ZFHX3: variants seen among roughly 807,000 people sequenced by gnomAD.
ZFHX3 encodes zinc finger homeobox protein 3.
Under a neutral mutation model 279.1 loss-of-function variants are expected in ZFHX3, and 42 were observed. That is an observed-to-expected ratio of 0.15 (90% CI 0.12 to 0.19). The LOEUF is 0.19. ZFHX3 is among the 10% of genes least tolerant of loss of function. ZFHX3 has a pLI of 1.00. For synonymous variants in ZFHX3, 2,293 were observed against 1,957.8 expected, an observed-to-expected ratio of 1.17 and a Z score of -4.52; for missense variants, 4,981 against 4,754.0, an observed-to-expected ratio of 1.05 and a Z score of -1.40.
At chr16:72,869,090 T>A (rs2038090753) in intron 4 of ZFHX3, among the ~76,000 whole-genome samples, 1 of 152,212 alleles carries the variant, frequency 6.6e-6, no homozygotes, top group South Asian at 2.1e-4. Flanking sequence ...TTCCTTCAGA[T>A]AAGGGAGAGA....
intron 1 of ZFHX3, among the ~76,000 whole-genome samples, chr16:73,709,632 G>A (rs1249275055): frequency 6.6e-6 from 1 of 152,022 alleles, no homozygotes; most frequent in African/African-American, 2.4e-5. Flanking sequence ...GGGGGTGAGG[G>A]TTTAGGGCAA....
At chr16:72,820,232 G>A (rs1313810209) in intron 5 of ZFHX3, among the ~76,000 whole-genome samples, 1 of 152,196 alleles carries the variant, frequency 6.6e-6, no homozygotes, top group Non-Finnish European at 1.5e-5. Flanking sequence ...GCTGACCGGT[G>A]GGTGCTGCTG....
chr16:73,218,866 ATGT>A (rs1236631075), intron 5 of ZFHX3, among the ~76,000 whole-genome samples: 2 of 152,194 alleles, frequency 1.3e-5, no homozygotes, highest in African/African-American at 4.8e-5. Flanking sequence ...TACATCCACA[ATGT>A]TGTGCAACCA....
chr16:73,685,002 C>A (rs1374542105), intron 1 of ZFHX3, among the ~76,000 whole-genome samples: 2 of 124,242 alleles, frequency 1.6e-5, no homozygotes, highest in Non-Finnish European at 3.3e-5. Context: ...CCAGGCCCAA[C>A]AAGGGTCATT....
chr16:73,588,345 G>C (rs921824163), intron 2 of ZFHX3, among the ~76,000 whole-genome samples: 8 of 152,150 alleles, frequency 5.3e-5, no homozygotes, highest in Non-Finnish European at 4.4e-5. Flanking sequence ...AATATAGTAT[G>C]TCCAAAAAGC....
chr16:73,641,941 T>G (rs2052576628), intron 2 of ZFHX3, among the ~76,000 whole-genome samples: 1 of 151,340 alleles, frequency 6.6e-6, no homozygotes, highest in Non-Finnish European at 1.5e-5. Context: ...ACGAGATAGG[T>G]GACGCGAGCT....
intron 1 of ZFHX3, among the ~76,000 whole-genome samples, chr16:73,769,501 A>T (rs1834075905): frequency 6.6e-6 from 1 of 152,216 alleles, no homozygotes; most frequent in South Asian, 2.1e-4. Context: ...CCATTCTTAT[A>T]CAAATTTTAA....
chr16:73,118,810 G>A (rs534638185), intron 7 of ZFHX3, among the ~76,000 whole-genome samples: 20 of 152,268 alleles, frequency 1.3e-4, no homozygotes, highest in Admixed American at 5.2e-4. Context: ...AGTAGCCAAA[G>A]GGGTGCACAG....
intron 3 of ZFHX3, among the ~76,000 whole-genome samples, chr16:73,345,439 C>G (rs1035379044): frequency 7.0e-6 from 1 of 143,640 alleles, no homozygotes; most frequent in Non-Finnish European, 1.5e-5. Context: ...CCCCTCCCTG[C>G]GTACATGTGT....
At chr16:72,969,377 C>T (rs1838690907) in intron 1 of ZFHX3, among the ~76,000 whole-genome samples, 1 of 152,034 alleles carries the variant, frequency 6.6e-6, no homozygotes, top group South Asian at 2.1e-4. Context: ...TCACGTAATA[C>T]AATACTGAGC....
intron 1 of ZFHX3, among the ~76,000 whole-genome samples, chr16:73,682,894 GAAAGAAAGAAAGAGAAAGAAAGAGAGAA>G (rs2053029785): frequency 2.4e-5 from 1 of 41,046 alleles, no homozygotes; most frequent in Admixed American, 3.0e-4. Context: ...AAGAAAGAAA[GAAAGAAAGAAAGAGAAAGAAAGAGAGAA>G]AGAGAAAGAA....
At chr16:73,500,554 T>C (rs939184907) in intron 2 of ZFHX3, among the ~76,000 whole-genome samples, 4 of 151,902 alleles carry the variant, frequency 2.6e-5, no homozygotes, top group African/African-American at 9.7e-5. Context: ...CTCAAACTCC[T>C]GGGCTCAAGT....
chr16:73,451,461 G>C (rs1187643161), intron 3 of ZFHX3, among the ~76,000 whole-genome samples: 2 of 152,126 alleles, frequency 1.3e-5, no homozygotes, highest in African/African-American at 4.8e-5. Flanking sequence ...GTATCTGAAG[G>C]CATCTAGTCA....
Position 73,131,720 on chromosome 16 carries a change from C to T in ZFHX3, c.-1023-626G>A, listed in dbSNP as rs7188304. Among the ~76,000 whole-genome samples, 13 of 152,302 alleles carry T rather than the reference C, an allele frequency of 8.5e-5. No individual in the cohort carries two copies. The East Asian group carries it at 1.2e-3, about 14-fold the overall frequency. Reference sequence around the variant, plus strand: ...CTTTTGTGGTCTCCAATGTTGCCTGCAGCAGGGAGTTACGAAAAGCCACTG... The same window carrying T: ...CTTTTGTGGTCTCCAATGTTGCCTGTAGCAGGGAGTTACGAAAAGCCACTG... On this transcript the variant is annotated intron_variant, in intron 6 of 17. Transcript: ENST00000641206.
intron 5 of ZFHX3, among the ~76,000 whole-genome samples, chr16:73,211,846 G>T (rs774334844): frequency 6.6e-6 from 1 of 152,014 alleles, no homozygotes; most frequent in Admixed American, 6.6e-5. Context: ...TGGCAGGGAG[G>T]GGGGTGGCAA....
chr16:73,863,067 G>A (rs559471779), intron 1 of ZFHX3, among the ~76,000 whole-genome samples: 20 of 152,192 alleles, frequency 1.3e-4, no homozygotes, highest in African/African-American at 3.9e-4. Context: ...TTAGCTGGGC[G>A]TGGTGGCAGG....
intron 1 of ZFHX3, among the ~76,000 whole-genome samples, chr16:73,031,975 C>T (rs8049721): frequency 0.013 from 1,974 of 152,008 alleles, 45 homozygotes; most frequent in African/African-American, 0.043. Context: ...ACTTTATGAG[C>T]TCCTGAGAGC....
At chr16:73,596,862 T>C (rs1045070772) in intron 2 of ZFHX3, among the ~76,000 whole-genome samples, 4 of 152,072 alleles carry the variant, frequency 2.6e-5, no homozygotes, top group African/African-American at 9.7e-5. Context: ...GCTGTACAAA[T>C]GAAGAAATGA....
At chr16:73,581,727 G>A (rs2051863660) in intron 2 of ZFHX3, among the ~76,000 whole-genome samples, 1 of 128,982 alleles carries the variant, frequency 7.8e-6, no homozygotes, top group Non-Finnish European at 1.5e-5. Context: ...CTGGAGTGCA[G>A]TGGCACGATC....
Sources: allele counts gnomAD v4.1 joint callset (sites outside exome capture counted in the v4.1 genomes callset), GRCh38; gene constraint gnomAD v4.1.1; transcripts MANE v1.5; gene names NCBI Gene and HGNC (gene_info 2026-07-23, HGNC 2026-07-21).